Variants in SYTL4 observed in about 807,000 individuals in gnomAD.
SYTL4 encodes the protein synaptotagmin like 4, also known as synaptotagmin-like protein 4.
SYTL4 carries 16 observed loss-of-function variants against 52.7 expected under a neutral mutation model. The ratio of observed to expected loss-of-function variants is 0.30; its 90% confidence interval spans 0.21 to 0.46. The LOEUF (loss-of-function observed/expected upper bound fraction) is 0.46. Ranked by LOEUF, SYTL4 falls within the 20% of genes least tolerant of loss-of-function variation. The pLI, the probability that SYTL4 is intolerant of heterozygous loss-of-function variation, is 1.00. For synonymous variants in SYTL4, 160 were observed against 186.6 expected (o/e 0.86, Z 1.16); for missense variants, 423 against 519.9 (o/e 0.81, Z 1.81).
chrX:100,690,470 G>T, intron 10 of SYTL4, 93 bp downstream of exon 10: 1 of 529,465 alleles, frequency 1.9e-6, no homozygotes, highest in Non-Finnish European at 3.0e-6. Context: ...GAGTGAGGGG[G>T]AGGGAGGGAG....
chrX:100,689,996 C>T (rs1252307016), intron 11 of SYTL4, 37 bp from the exon 12 acceptor site: 2 of 1,151,039 alleles, frequency 1.7e-6, no homozygotes, highest in East Asian at 3.0e-5. Context: ...TCAAAGAGAC[C>T]TATTCTTCTC....
At chrX:100,724,017 G>C (rs1472807422) in intron 2 of SYTL4, among the ~76,000 whole-genome samples, 2 of 100,358 alleles carry the variant, frequency 2.0e-5, no homozygotes, top group African/African-American at 7.6e-5. Flanking sequence ...AGGGAGGTGG[G>C]GGGGGTCAGC....
intron 2 of SYTL4, among the ~76,000 whole-genome samples, chrX:100,712,448 G>A (rs1278706040): frequency 1.8e-5 from 2 of 111,759 alleles, no homozygotes; most frequent in Non-Finnish European, 3.8e-5. Flanking sequence ...TAGAGAGTAT[G>A]GAAATAAGCC....
At chrX:100,682,231 T>A (rs560515302) in intron 16 of SYTL4, among the ~76,000 whole-genome samples, 3 of 111,638 alleles carry the variant, frequency 2.7e-5, no homozygotes, top group Non-Finnish European at 5.6e-5. Context: ...AACAAACTTA[T>A]CCTCGTTTCC....
At chrX:100,716,049 G>A (rs1372108897) in intron 2 of SYTL4, among the ~76,000 whole-genome samples, 7 of 108,882 alleles carry the variant, frequency 6.4e-5, no homozygotes, top group South Asian at 4.1e-4. Flanking sequence ...AAACTAATAC[G>A]TATTATTTGT....
At chrX:100,731,648 C>T (rs2084649225) in intron 1 of SYTL4, 143 bp from the exon 2 acceptor site, 1 of 112,526 alleles carries the variant, frequency 8.9e-6, no homozygotes, top group South Asian at 3.7e-4. Context: ...CGGGCACTCC[C>T]CGCGAGGGGA....
intron 17 of SYTL4, among the ~76,000 whole-genome samples, chrX:100,680,751 A>G (rs1426640906): frequency 8.9e-6 from 1 of 111,900 alleles, no homozygotes; most frequent in East Asian, 2.8e-4. Flanking sequence ...CACCACTCCT[A>G]TATCTGTGTC....
At chrX:100,678,261 G>GA in intron 19 of SYTL4, 130 bp downstream of exon 19, 1 of 499,907 alleles carries the variant, frequency 2.0e-6, no homozygotes, top group East Asian at 3.6e-5. Flanking sequence ...AGTATTGGCT[G>GA]AATGTTAACT....
In SYTL4 at chrX:100,676,081, C is replaced by A; in HGVS notation, c.1963G>T (p.Glu655Ter). 8.3e-7 allele frequency: 1 copy of A among 1,211,027 alleles called. No individual in the cohort carries two copies. Among genetic ancestry groups the A allele is most frequent in the Non-Finnish European group, 1.1e-6 (1 of 895,309 alleles). The change falls in exon 20 of 20, where the codon GAA becomes TAA. Residue 655 changes from glutamate (E) to a stop codon, truncating the protein, a stop_gained. Coordinates refer to ENST00000372989, the MANE Select transcript of SYTL4 (RefSeq NM_001370165.1). LOFTEE classifies it high-confidence loss of function. ...KMRQYPGSWA[E>*]GTLQLRSSMA... The stretch of plus-strand genomic sequence containing the variant: ...GAGGAACGGAGCTGCAGAGTCCCTT[C>A]TGCCCAAGACCCTGGGTACTGTCGC...
At chrX:100,696,235 G>A in intron 8 of SYTL4, among the ~76,000 whole-genome samples, 1 of 112,117 alleles carries the variant, frequency 8.9e-6, no homozygotes, top group African/African-American at 3.2e-5. Context: ...CAAGGTAGGT[G>A]CACAATGAAC....
At chrX:100,703,750 C>T (rs754881127) in intron 3 of SYTL4, among the ~76,000 whole-genome samples, 41 of 112,196 alleles carry the variant, frequency 3.7e-4, no homozygotes, top group Non-Finnish European at 7.3e-4. Context: ...CATAATGGAA[C>T]ATTATGTCGC....
chrX:100,711,658 G>A (rs113146463), intron 2 of SYTL4, among the ~76,000 whole-genome samples: 4,525 of 111,297 alleles, frequency 0.041, 233 homozygotes, highest in African/African-American at 0.14. Flanking sequence ...AATGAGCTAT[G>A]GGACAACATC....
At chrX:100,712,995 C>T (rs976802161) in intron 2 of SYTL4, among the ~76,000 whole-genome samples, 7 of 111,969 alleles carry the variant, frequency 6.3e-5, no homozygotes, top group Admixed American at 9.5e-5. Context: ...AAATGTTGGC[C>T]GGCATTTGAA....
At chrX:100,712,469 T>C (rs2084093046) in intron 2 of SYTL4, among the ~76,000 whole-genome samples, 1 of 111,901 alleles carries the variant, frequency 8.9e-6, no homozygotes, top group African/African-American at 3.2e-5. Context: ...CTCATGTTTA[T>C]AGTCACTTGA....
At chrX:100,682,533 C>T (rs902468137) in intron 16 of SYTL4, among the ~76,000 whole-genome samples, 8 of 110,083 alleles carry the variant, frequency 7.3e-5, no homozygotes, top group Admixed American at 9.7e-5. Flanking sequence ...CACAGCAAAA[C>T]CTTGTCTCAA....
intron 2 of SYTL4, among the ~76,000 whole-genome samples, chrX:100,724,007 A>C (rs1569419550): frequency 2.3e-5 from 2 of 86,961 alleles, no homozygotes; most frequent in Admixed American, 1.2e-4. Context: ...CCCGTCCGGG[A>C]GGGAGGTGGG....
chrX:100,688,095 T>C (rs2083508555), intron 13 of SYTL4: 3 of 304,689 alleles, frequency 9.8e-6, no homozygotes, highest in East Asian at 1.1e-4. Context: ...TAAGTTAAGG[T>C]TATTGTTCAC....
Position 100,690,109 on chromosome X carries a change from A to G in SYTL4, c.774T>C (p.Phe258=). Reference sequence around the variant, plus strand: ...TGAGGATTTTTCTGGTGTTCTTCTTAAATATCATCTCACCCTCATCCACAA... The same window carrying G: ...TGAGGATTTTTCTGGTGTTCTTCTTGAATATCATCTCACCCTCATCCACAA... ...VVFVDEGEMI[F]KKNTRKILRP... The change falls in exon 11 of 20, where the codon TTT becomes TTC. Residue 258 remains phenylalanine (F), a synonymous_variant. Transcript: ENST00000372989. The G allele has an allele frequency of 1.7e-6, 2 of 1,211,169 alleles. No homozygotes were observed. Among genetic ancestry groups the G allele is most frequent in the South Asian group, 3.5e-5 (2 of 56,888 alleles).
intron 16 of SYTL4, among the ~76,000 whole-genome samples, chrX:100,684,300 G>A (rs1311013187): frequency 9.2e-6 from 1 of 108,964 alleles, no homozygotes; most frequent in Non-Finnish European, 1.9e-5. Context: ...ATTTTTTTTT[G>A]CAAGGGCAAC....
Sources: gnomAD v4.1 joint callset for allele counts (sites outside exome capture counted in the v4.1 genomes callset) on GRCh38, gnomAD v4.1.1 for gene constraint, MANE v1.5 for transcripts, NCBI Gene and HGNC (gene_info 2026-07-23, HGNC 2026-07-21) for gene names.